Variants in DIS3L2 observed in about 807,000 individuals in gnomAD.
DIS3L2 encodes the protein DIS3 like 3'-5' exoribonuclease 2.
A neutral mutation model predicts 97.5 loss-of-function variants in DIS3L2; 34 were observed. The observed-to-expected ratio is 0.35, with a 90% CI of 0.27 to 0.46. DIS3L2 has a LOEUF of 0.46. Among genes scored for constraint, DIS3L2 ranks in the 20% least tolerant of loss-of-function variants. The probability of loss-of-function intolerance (pLI) is 1.00; values close to 1 mark genes in which losing one functional copy is unlikely to be tolerated. For missense variants in DIS3L2, 1,038 were observed against 1,146.0 expected, an observed-to-expected ratio of 0.91 and a Z score of 1.36; for synonymous variants, 435 against 445.2, an observed-to-expected ratio of 0.98 and a Z score of 0.29.
chr2:232,138,390 A>G (rs543612942), intron 8 of DIS3L2, among the ~76,000 whole-genome samples: 9 of 152,332 alleles, frequency 5.9e-5, no homozygotes, highest in African/African-American at 2.2e-4. Context: ...TGGAAACATC[A>G]TGCTTTTTCT....
chr2:232,189,523 T>C (rs1160994876), intron 9 of DIS3L2, among the ~76,000 whole-genome samples: 1 of 152,192 alleles, frequency 6.6e-6, no homozygotes, highest in African/African-American at 2.4e-5. Context: ...GAGTTTAAGA[T>C]TCAGAAAAGG....
In DIS3L2 at chr2:232,136,462, G is replaced by T. The variant is rs759420051; in HGVS notation, c.703-10G>T. 2 of 1,613,494 alleles carry T rather than the reference G, an allele frequency of 1.2e-6. No homozygotes were observed. The highest frequency in any genetic ancestry group is 1.7e-6 in the Non-Finnish European group (2 of 1,179,612). ...ATAAACAACATTGACTATATCTTTG[G>T]TGTTTTTAGGTGGTTTACATCTTGG... On this transcript the variant is annotated splice_polypyrimidine_tract_variant and intron_variant, in intron 7 of 20. Coordinates refer to ENST00000325385, the MANE Select transcript of DIS3L2 (RefSeq NM_152383.5).
chr2:232,333,194 TCCTCCTCC>T (rs1695810690), intron 16 of DIS3L2, among the ~76,000 whole-genome samples: 1 of 61,098 alleles, frequency 1.6e-5, no homozygotes, highest in Non-Finnish European at 2.8e-5. Context: ...CTCCTCCTCC[TCCTCCTCC>T]TCCTCCTCCT....
chr2:232,334,638 G>A lies in DIS3L2; in HGVS notation c.2297G>A (p.Gly766Asp). The change falls in exon 19 of 21, where the codon GGC (glycine) becomes GAC (aspartate). Residue 766 changes from glycine to aspartate, a missense_variant. Gly to Asp is a moderately conservative substitution (Grantham distance 94, BLOSUM62 -1). Coordinates refer to ENST00000325385, the MANE Select transcript of DIS3L2 (RefSeq NM_152383.5). ...GCAGCACTGTCCCTGCAGGAGAGTG[G>A]CCCCCTGGAGTCAGAAGCCATGGTG... ...LFFAVLVKES[G>D]PLESEAMVMG... 3 of 1,607,658 alleles carry A rather than the reference G, an allele frequency of 1.9e-6. No homozygotes were observed. The highest frequency in any genetic ancestry group is 2.5e-6 in the Non-Finnish European group (3 of 1,177,392).
intron 5 of DIS3L2, among the ~76,000 whole-genome samples, chr2:232,054,274 T>TATA (rs1452924004): frequency 1.3e-5 from 2 of 152,246 alleles, no homozygotes; most frequent in Non-Finnish European, 2.9e-5. Context: ...TATCATTGAA[T>TATA]ATAACATAGT....
chr2:232,088,906 C>T (rs1238392543), intron 6 of DIS3L2, among the ~76,000 whole-genome samples: 5 of 152,038 alleles, frequency 3.3e-5, no homozygotes, highest in African/African-American at 1.2e-4. Flanking sequence ...TAATGGAAAC[C>T]GACCAACTCT....
chr2:232,058,335 C>T (rs1286851600), intron 5 of DIS3L2, among the ~76,000 whole-genome samples: 1 of 152,190 alleles, frequency 6.6e-6, no homozygotes, highest in African/African-American at 2.4e-5. Flanking sequence ...ATTCTGTGCC[C>T]ATTTCCTCTT....
At chr2:232,082,446 G>A (rs1696431094) in intron 5 of DIS3L2, among the ~76,000 whole-genome samples, 1 of 152,122 alleles carries the variant, frequency 6.6e-6, no homozygotes, top group African/African-American at 2.4e-5. Flanking sequence ...AGATCAGCAG[G>A]GGCATTAGAT....
At chr2:232,157,493 G>C (rs531672548) in intron 8 of DIS3L2, among the ~76,000 whole-genome samples, 1 of 152,304 alleles carries the variant, frequency 6.6e-6, no homozygotes, top group South Asian at 2.1e-4. Flanking sequence ...AAAAGGTGAA[G>C]TCCTTAATTA....
At chr2:232,297,936 A>G (rs1253164699) in intron 13 of DIS3L2, among the ~76,000 whole-genome samples, 1 of 152,064 alleles carries the variant, frequency 6.6e-6, no homozygotes, top group African/African-American at 2.4e-5. Context: ...AGCTCAGGCA[A>G]TCCACCCGCC....
At chr2:232,046,794 C>G (rs1356766242) in intron 5 of DIS3L2, among the ~76,000 whole-genome samples, 1 of 152,108 alleles carries the variant, frequency 6.6e-6, no homozygotes, top group South Asian at 2.1e-4. Flanking sequence ...ACCTCCTTCC[C>G]ATTTTGGGGA....
chr2:232,301,833 C>A (rs1400062186), intron 14 of DIS3L2, among the ~76,000 whole-genome samples: 2 of 140,068 alleles, frequency 1.4e-5, no homozygotes, highest in African/African-American at 5.4e-5. Flanking sequence ...AATAGCCTAG[C>A]TCTTTTTTTT....
In DIS3L2 at chr2:232,329,918, A is replaced by G. The variant is rs775761429; in HGVS notation, c.1845A>G (p.Thr615=). 6.2e-7 allele frequency: 1 copy of G among 1,612,784 alleles called. No homozygotes were observed. Among genetic ancestry groups the G allele is most frequent in the South Asian group, 1.1e-5 (1 of 90,986 alleles). Reference sequence around the variant, plus strand: ...TGCGCCGGCACCCCCCGCCCCAAACAAGGATGCTCAGTGACCTGGTGGAAT... The same window carrying G: ...TGCGCCGGCACCCCCCGCCCCAAACGAGGATGCTCAGTGACCTGGTGGAAT... ...ALLRRHPPPQ[T]RMLSDLVEFC... Residue 615 remains threonine (T), a synonymous_variant, in exon 15 of 21, where the codon ACA becomes ACG. Transcript: ENST00000325385.
intron 12 of DIS3L2, among the ~76,000 whole-genome samples, chr2:232,260,855 T>A (rs542945893): frequency 8.5e-5 from 13 of 152,298 alleles, no homozygotes; most frequent in Admixed American, 2.0e-4. Flanking sequence ...TGGGCTGGGC[T>A]CAGTCCTTCC....
intron 12 of DIS3L2, among the ~76,000 whole-genome samples, chr2:232,261,786 G>A (rs1693718413): frequency 6.6e-6 from 1 of 152,186 alleles, no homozygotes; most frequent in African/African-American, 2.4e-5. Flanking sequence ...ATACACTTGC[G>A]GTTTAGAGAG....
intron 14 of DIS3L2, 28 bp from the exon 15 acceptor site, chr2:232,329,785 T>TCCCCGGGGGGACCCC: frequency 1.0e-6 from 1 of 967,144 alleles, no homozygotes; most frequent in Non-Finnish European, 1.5e-6. Context: ...ACCCCAGCGG[T>TCCCCGGGGGGACCCC]CCCTCCCATC....
At chr2:232,000,764 A>T (rs1219738798) in intron 1 of DIS3L2, among the ~76,000 whole-genome samples, 1 of 94,880 alleles carries the variant, frequency 1.1e-5, no homozygotes, top group East Asian at 2.9e-4. Context: ...GGATTTCACC[A>T]TGTTGTTGCC....
chr2:232,337,882 C>T (rs1214940447), downstream of DIS3L2, among the ~76,000 whole-genome samples: 1 of 151,476 alleles, frequency 6.6e-6, no homozygotes, highest in African/African-American at 2.4e-5. Flanking sequence ...CAAAGACATC[C>T]CGCACCTGCC....
chr2:232,076,984 T>C (rs1305400490), intron 5 of DIS3L2, among the ~76,000 whole-genome samples: 1 of 152,218 alleles, frequency 6.6e-6, no homozygotes, highest in African/African-American at 2.4e-5. Context: ...CTTAAAATGC[T>C]GACATCATGC....
Sources: allele counts gnomAD v4.1 joint callset (sites outside exome capture counted in the v4.1 genomes callset), GRCh38; gene constraint gnomAD v4.1.1; transcripts MANE v1.5; gene names NCBI Gene and HGNC (gene_info 2026-07-23, HGNC 2026-07-21).